CR1: variants seen among roughly 807,000 people sequenced by gnomAD.
The protein encoded by CR1 is complement receptor type 1.
In CR1, 116 loss-of-function variants were observed where a neutral mutation model predicts 187.3. The observed-to-expected ratio is 0.62, with a 90% CI of 0.53 to 0.72. The LOEUF (loss-of-function observed/expected upper bound fraction) is 0.72. Ranked by LOEUF, CR1 falls within the 30% of genes least tolerant of loss-of-function variation. The probability of loss-of-function intolerance (pLI) is 0.00; values close to 1 mark genes in which losing one functional copy is unlikely to be tolerated. For missense variants in CR1, 1,731 were observed against 2,110.7 expected (o/e 0.82, Z 3.52); for synonymous variants, 576 against 747.1 (o/e 0.77, Z 3.73).
At chr1:207,577,663 G>A (rs1398408696) in intron 28 of CR1, 142 bp from the exon 29 acceptor site, 14 of 1,315,652 alleles carry the variant, frequency 1.1e-5, no homozygotes, top group East Asian at 2.5e-5. Flanking sequence ...CCAGCTACTC[G>A]GGAGGTTGAG....
chr1:207,594,487 A>C (rs554244240), intron 35 of CR1, among the ~76,000 whole-genome samples: 105 of 152,246 alleles, frequency 6.9e-4, no homozygotes, highest in Non-Finnish European at 1.4e-3. Context: ...TAGCATTAGG[A>C]GAAATAGCCA....
rs151057565 is a variant in CR1, at chr1:207,524,187, G to A, written c.886+178G>A. On this transcript the variant is annotated intron_variant, in intron 5 of 46. Transcript: ENST00000367049. ...GTACATGCACATGTGCTGAAATTGC[G>A]AAGCAAAGCTCAACCTGGGCAAGGG... is the stretch of plus-strand genomic sequence containing the variant. Among the ~76,000 whole-genome samples, 284 of 152,244 alleles carry A rather than the reference G, an allele frequency of 1.9e-3. 1 individual carries two copies. Among genetic ancestry groups the A allele is most frequent in the Admixed American group, 4.6e-3 (71 of 15,288 alleles).
At chr1:207,599,865 T>C (rs1661553467) in intron 35 of CR1, among the ~76,000 whole-genome samples, 1 of 152,220 alleles carries the variant, frequency 6.6e-6, no homozygotes, top group African/African-American at 2.4e-5. Context: ...ATACATGGTA[T>C]ACTAAGTGAA....
At chr1:207,609,151 G>A (rs769058138) in intron 36 of CR1, 139 bp from the exon 37 acceptor site, 25 of 908,890 alleles carry the variant, frequency 2.8e-5, no homozygotes, top group Non-Finnish European at 3.6e-5. Context: ...CTGATTATTA[G>A]CAAATATTTT....
At chr1:207,522,064 G>T (rs1304899254) in intron 4 of CR1, among the ~76,000 whole-genome samples, 1 of 151,986 alleles carries the variant, frequency 6.6e-6, no homozygotes, top group African/African-American at 2.4e-5. Flanking sequence ...ATCAGTAATT[G>T]TGTGTGTTAT....
At chr1:207,510,843 A>G (rs1293527740) in intron 3 of CR1, among the ~76,000 whole-genome samples, 1 of 124,162 alleles carries the variant, frequency 8.1e-6, no homozygotes, top group Non-Finnish European at 1.6e-5. Flanking sequence ...TTTTTTTGAT[A>G]CAATGTCTTG....
intron 46 of CR1, among the ~76,000 whole-genome samples, chr1:207,633,150 G>A (rs187015248): frequency 6.6e-6 from 1 of 152,108 alleles, no homozygotes; most frequent in African/African-American, 2.4e-5. Context: ...CCTGAACCCA[G>A]CTCCAGCTCT....
chr1:207,640,023 T>A lies in CR1; in HGVS notation c.*614T>A, dbSNP rs1430080146. On this transcript the variant is annotated 3_prime_UTR_variant, in exon 47 of 47. Coordinates refer to ENST00000367049, the MANE Select transcript of CR1 (RefSeq NM_000651.6). ...ATATGCTATATCAGTTTTTACTTTC[T>A]CTAGGGAGAAAAATTAATTTACTAG... 3.3e-5 allele frequency: 5 copies of A among 152,254 alleles called. No homozygotes were observed. Among genetic ancestry groups the A allele is most frequent in the African/African-American group, 1.2e-4 (5 of 41,458 alleles). 9.4% of individuals were successfully genotyped at this position (152,254 alleles called of 1,614,324 possible).
At chr1:207,567,073 A>G (rs1356317677) in intron 24 of CR1, among the ~76,000 whole-genome samples, 1 of 150,316 alleles carries the variant, frequency 6.7e-6, no homozygotes, top group Non-Finnish European at 1.5e-5. Flanking sequence ...TTGCTAGTTA[A>G]AATAGTTTCT....
chr1:207,581,939 C>T lies in CR1; in HGVS notation c.5238C>T (p.Ser1746=), dbSNP rs199697417. The change falls in exon 32 of 47, where the codon TCC becomes TCT. Residue 1746 remains serine, a synonymous_variant. Transcript: ENST00000367049. Reference sequence around the variant, plus strand: ...TTAGGTTTCGCTTAAAGGGCAGTTCCGTTAGTCATTGTGTCTTGGTTGGAA... The same window carrying T: ...TTAGGTTTCGCTTAAAGGGCAGTTCTGTTAGTCATTGTGTCTTGGTTGGAA... ...CDEGFRLKGS[S]VSHCVLVGMR... 16 of 1,613,118 alleles carry T rather than the reference C, an allele frequency of 9.9e-6. No individual in the cohort carries two copies. The highest frequency in any genetic ancestry group is 1.7e-4 in the Middle Eastern group (1 of 6,054).
At position 207,611,848 on chromosome 1, in the gene CR1, G is replaced by A; in HGVS notation, c.6467G>A (p.Cys2156Tyr). The A allele has an allele frequency of 6.2e-7, 1 of 1,613,978 alleles. No homozygotes were observed. Among genetic ancestry groups the A allele is most frequent in the Non-Finnish European group, 8.5e-7 (1 of 1,179,868 alleles). ...GACTGGAGCCCTGAAGCCCCTAGAT[G>A]TACAGGTGCCTTGACTCTCTGGCTT... ...QGDWSPEAPR[C>Y]TVKSCDDFLG... is the part of the protein sequence containing the mutation. The change falls in exon 38 of 47, where the codon TGT becomes TAT. Residue 2156 changes from cysteine to tyrosine, a missense_variant. Around this residue, in one of 5 missense-constraint regions of CR1, gnomAD observed 1,312 missense variants for 1,379.6 expected, o/e 0.95. Coordinates refer to ENST00000367049, the MANE Select transcript of CR1 (RefSeq NM_000651.6).
At chr1:207,508,288 T>C (rs916834774) in intron 3 of CR1, among the ~76,000 whole-genome samples, 9 of 152,234 alleles carry the variant, frequency 5.9e-5, no homozygotes, top group South Asian at 2.1e-4. Flanking sequence ...ACATAAACTA[T>C]GGACTTGGGG....
chr1:207,638,421 C>A (rs1039661788), intron 46 of CR1, among the ~76,000 whole-genome samples: 2 of 150,422 alleles, frequency 1.3e-5, no homozygotes, highest in Non-Finnish European at 2.9e-5. Context: ...CGCTGACAAG[C>A]CCTGTAACAG....
chr1:207,599,344 A>G (rs1661539861), intron 35 of CR1, among the ~76,000 whole-genome samples: 1 of 152,168 alleles, frequency 6.6e-6, no homozygotes, highest in African/African-American at 2.4e-5. Flanking sequence ...AGTTTAAAAG[A>G]CGGAAGTAGA....
chr1:207,519,421 T>C (rs917609371), intron 4 of CR1, among the ~76,000 whole-genome samples: 2 of 152,156 alleles, frequency 1.3e-5, no homozygotes, highest in Non-Finnish European at 2.9e-5. Context: ...TCATCAAGTA[T>C]TTTTATTATT....
intron 28 of CR1, among the ~76,000 whole-genome samples, chr1:207,575,955 G>C (rs538320041): frequency 6.6e-6 from 1 of 152,120 alleles, no homozygotes; most frequent in Non-Finnish European, 1.5e-5. Flanking sequence ...TGAGCACCTC[G>C]CAGTTTGAAG....
At chr1:207,575,908 CT>C (rs1160810835) in intron 28 of CR1, among the ~76,000 whole-genome samples, 6 of 152,022 alleles carry the variant, frequency 3.9e-5, no homozygotes, top group Non-Finnish European at 7.4e-5. Flanking sequence ...TAGTCTTTAG[CT>C]CATTTAACCA....
intron 35 of CR1, among the ~76,000 whole-genome samples, chr1:207,603,705 C>T (rs1449569456): frequency 2.0e-5 from 3 of 152,062 alleles, no homozygotes; most frequent in African/African-American, 7.2e-5. Flanking sequence ...TTATATATTA[C>T]TCTACAACAC....
chr1:207,578,894 T>C (rs599948), intron 29 of CR1, among the ~76,000 whole-genome samples: 57,932 of 152,132 alleles, frequency 0.38, 14,763 homozygotes, highest in African/African-American at 0.72. Flanking sequence ...TTAGAGTTGA[T>C]GTCCCACTCT....
Sources: gnomAD v4.1 joint callset for allele counts (sites outside exome capture counted in the v4.1 genomes callset) on GRCh38, gnomAD v4.1.1 for gene constraint, gnomAD v4.1.1 regional missense constraint, MANE v1.5 for transcripts, NCBI Gene and HGNC (gene_info 2026-07-23, HGNC 2026-07-21) for gene names.